ASPH: variants seen among roughly 807,000 people sequenced by gnomAD.
ASPH encodes the protein aspartyl/asparaginyl beta-hydroxylase.
In ASPH, 100 loss-of-function variants were observed where a neutral mutation model predicts 118.4. The observed-to-expected ratio is 0.84, with a 90% CI of 0.72 to 1.00. The LOEUF (loss-of-function observed/expected upper bound fraction) is 1.00. ASPH is among the 50% of genes least tolerant of loss of function. The pLI is 0.00. For missense variants in ASPH, 920 were observed against 919.5 expected (o/e 1.00, Z -0.01); for synonymous variants, 315 against 325.6 (o/e 0.97, Z 0.35).
chr8:61,576,808 G>GTAT lies in ASPH; in HGVS notation c.1110_1112dup (p.Lys370_Tyr371insTer), dbSNP rs1178962355. 8.7e-6 allele frequency: 14 copies of GTAT among 1,609,774 alleles called. No homozygotes were observed. The highest frequency in any genetic ancestry group is 3.3e-5 in the Admixed American group (2 of 59,948). ...CATATCTTGCTCGTGGACTCTGAGG[G>GTAT]TATTTGCGTACTAGTTCTTTAAATG... is the stretch of plus-strand genomic sequence containing the variant. On this transcript the variant is annotated stop_gained, in exon 16 of 25. Coordinates refer to ENST00000379454, the MANE Select transcript of ASPH (RefSeq NM_004318.4). LOFTEE classifies it high-confidence loss of function.
At position 61,689,834 on chromosome 8, in the gene ASPH, G is replaced by A. The variant is rs1325747084; in HGVS notation, c.104-5646C>T. The A allele has an allele frequency of 5.0e-6, 7 of 1,409,516 alleles. No individual in the cohort carries two copies. The East Asian group carries it at 8.0e-5, about 16-fold the overall frequency. The allele number at this position is 1,409,516 out of a possible 1,614,324, so 87.3% of individuals were successfully genotyped here. On this transcript the variant is annotated intron_variant, in intron 1 of 24. Coordinates refer to ENST00000379454, the MANE Select transcript of ASPH (RefSeq NM_004318.4). Reference sequence around the variant, plus strand: ...ACTGGCCAATCCCTGCACTGTAAGGGCCTCTAGAACTGAAATTGGACCTGA... The same window carrying A: ...ACTGGCCAATCCCTGCACTGTAAGGACCTCTAGAACTGAAATTGGACCTGA...
chr8:61,680,913 T>C (rs1827733318), intron 3 of ASPH, 55 bp downstream of exon 3: 2 of 1,453,072 alleles, frequency 1.4e-6, no homozygotes, highest in African/African-American at 2.9e-5. Context: ...AAAGCAAAAA[T>C]AATTGTTTCC....
At chr8:61,554,132 G>T (rs1827001076) in intron 19 of ASPH, among the ~76,000 whole-genome samples, 1 of 152,196 alleles carries the variant, frequency 6.6e-6, no homozygotes, top group Non-Finnish European at 1.5e-5. Context: ...GAAATGTAAG[G>T]AGACACTTTA....
At chr8:61,557,677 C>T (rs1168456735) in intron 18 of ASPH, among the ~76,000 whole-genome samples, 2 of 152,162 alleles carry the variant, frequency 1.3e-5, no homozygotes, top group Non-Finnish European at 2.9e-5. Context: ...ATTGCTCATC[C>T]CCACTGCCTG....
chr8:61,630,633 A>T (rs887581862), intron 13 of ASPH, among the ~76,000 whole-genome samples: 4 of 152,186 alleles, frequency 2.6e-5, no homozygotes, highest in African/African-American at 9.6e-5. Flanking sequence ...CCAGCACAAC[A>T]CATTACTCAT....
intron 13 of ASPH, among the ~76,000 whole-genome samples, chr8:61,620,803 G>A (rs1038592086): frequency 6.6e-5 from 10 of 152,182 alleles, no homozygotes; most frequent in Non-Finnish European, 1.2e-4. Flanking sequence ...AAAATCAAGC[G>A]TAAAATGCAA....
intron 3 of ASPH, among the ~76,000 whole-genome samples, chr8:61,677,156 T>A (rs1825808197): frequency 6.6e-6 from 1 of 152,150 alleles, no homozygotes; most frequent in Non-Finnish European, 1.5e-5. Context: ...CCTGTGAAAT[T>A]AGCTTCTATT....
At chr8:61,624,697 T>A in intron 13 of ASPH, 2 of 985,686 alleles carry the variant, frequency 2.0e-6, no homozygotes, top group Non-Finnish European at 2.4e-6. Context: ...AACCACAGCA[T>A]AATGAATCCT....
chr8:61,688,299 G>A (rs1031529441), intron 1 of ASPH, among the ~76,000 whole-genome samples: 1 of 152,118 alleles, frequency 6.6e-6, no homozygotes, highest in Non-Finnish European at 1.5e-5. Context: ...TAAGAATACT[G>A]CAAGAACGAT....
intron 3 of ASPH, among the ~76,000 whole-genome samples, chr8:61,667,262 G>C (rs768999019): frequency 6.6e-6 from 1 of 151,686 alleles, no homozygotes; most frequent in Non-Finnish European, 1.5e-5. Context: ...TACCCACAAA[G>C]AATATGACTA....
chr8:61,665,113 T>C (rs1309381649), intron 3 of ASPH: 3 of 1,426,622 alleles, frequency 2.1e-6, no homozygotes, highest in African/African-American at 2.9e-5. Context: ...GGTAATTTAC[T>C]TGCTAAGCAC....
Position 61,638,367 on chromosome 8 carries a change from A to G in ASPH, c.791-4T>C, listed in dbSNP as rs758400984. ...TTTTCTAGAGGTTCATATACTGCTA[A>G]AAAAAAAAAAACAGAAACAAAATCC... On this transcript the variant is annotated splice_region_variant and splice_polypyrimidine_tract_variant and intron_variant, in intron 10 of 24. Coordinates refer to ENST00000379454, the MANE Select transcript of ASPH (RefSeq NM_004318.4). 72 of 1,510,698 alleles carry G rather than the reference A, an allele frequency of 4.8e-5. No homozygotes were observed. The highest frequency in any genetic ancestry group is 5.9e-5 in the Non-Finnish European group (66 of 1,113,682). The allele number at this position is 1,510,698 out of a possible 1,614,324, so 93.6% of individuals were successfully genotyped here.
Position 61,675,205 on chromosome 8 carries a change from C to T in ASPH, c.322+5763G>A, listed in dbSNP as rs954705587. The T allele has an allele frequency of 5.4e-5, 36 of 667,646 alleles. No individual in the cohort carries two copies. The African/African-American group carries it at 7.1e-4, about 13-fold the overall frequency. 41.4% of individuals were successfully genotyped at this position (667,646 alleles called of 1,614,324 possible). A position where few individuals can be genotyped will look rare whatever the true frequency, so the allele number is the denominator to read the frequency against. On this transcript the variant is annotated intron_variant, in intron 3 of 24. Coordinates refer to ENST00000379454, the MANE Select transcript of ASPH (RefSeq NM_004318.4). ...TCTAAAAATCACATTACATCTAAGCCAAAATCAATATCCAATTAATAAGTT... is the reference window on the plus strand; with the variant it reads ...TCTAAAAATCACATTACATCTAAGCTAAAATCAATATCCAATTAATAAGTT...
intron 21 of ASPH, among the ~76,000 whole-genome samples, chr8:61,527,603 G>A (rs567900730): frequency 5.9e-5 from 9 of 152,328 alleles, no homozygotes; most frequent in African/African-American, 1.9e-4. Flanking sequence ...ATGTGGGGAG[G>A]CCAAAGGAGA....
At chr8:61,559,913 AG>A (rs1352370618) in intron 18 of ASPH, among the ~76,000 whole-genome samples, 1 of 132,268 alleles carries the variant, frequency 7.6e-6, no homozygotes, top group Non-Finnish European at 1.6e-5. Context: ...GGAGATGATC[AG>A]GGTTGTGTTT....
chr8:61,668,399 T>A (rs536450213), intron 3 of ASPH: 2 of 732,740 alleles, frequency 2.7e-6, no homozygotes. Flanking sequence ...GTTAAATTCA[T>A]CATTAAAAAA....
intron 16 of ASPH, among the ~76,000 whole-genome samples, chr8:61,572,906 G>A (rs559662966): frequency 3.0e-4 from 46 of 152,282 alleles, no homozygotes; most frequent in Admixed American, 1.3e-3. Context: ...CAAATAGAAA[G>A]AGAGGAAGTC....
chr8:61,585,364 A>T (rs1839082005), intron 14 of ASPH, among the ~76,000 whole-genome samples: 1 of 152,160 alleles, frequency 6.6e-6, no homozygotes. Context: ...GAGTGGTGGC[A>T]GGGAAGGGGG....
At position 61,501,709 on chromosome 8, in the gene ASPH, A is replaced by G. The variant is rs370995098; in HGVS notation, c.*1650T>C. The G allele has an allele frequency of 5.3e-4, 81 of 152,146 alleles. No individual in the cohort carries two copies. Among genetic ancestry groups the G allele is most frequent in the African/African-American group, 1.7e-3 (70 of 41,430 alleles). 9.4% of individuals were successfully genotyped at this position (152,146 alleles called of 1,614,324 possible). ...GATATTTTTCCTCCCATGCCTCTTC[A>G]TCTGATTTAGTGGGATGTTTTCAAT... On this transcript the variant is annotated 3_prime_UTR_variant, in exon 25 of 25. Coordinates refer to ENST00000379454, the MANE Select transcript of ASPH (RefSeq NM_004318.4).
Sources: gnomAD v4.1 joint callset for allele counts (sites outside exome capture counted in the v4.1 genomes callset) on GRCh38, gnomAD v4.1.1 for gene constraint, MANE v1.5 for transcripts, NCBI Gene and HGNC (gene_info 2026-07-23, HGNC 2026-07-21) for gene names.